Variants in SBF2 observed in about 807,000 individuals in gnomAD.
SBF2 encodes SET binding factor 2, also known as myotubularin-related protein 13.
A neutral mutation model predicts 225.2 loss-of-function variants in SBF2; 112 were observed. The observed-to-expected ratio is 0.50, with a 90% confidence interval of 0.43 to 0.58. The LOEUF is 0.58. SBF2 is among the 20% of genes least tolerant of loss of function. The pLI is 0.00. For synonymous variants in SBF2, 763 were observed against 773.3 expected (o/e 0.99, Z 0.22); for missense variants, 1,996 against 2,206.2 (o/e 0.90, Z 1.91).
chr11:9,793,600 G>A (rs1398865824), intron 33 of SBF2, among the ~76,000 whole-genome samples: 3 of 152,072 alleles, frequency 2.0e-5, no homozygotes, highest in Non-Finnish European at 4.4e-5. Flanking sequence ...GTGTTGGCCA[G>A]ACTGGTCTCG....
rs1264324119 is a variant in SBF2, at chr11:9,885,087, C to T, written c.1929+10856G>A. On this transcript the variant is annotated intron_variant, in intron 17 of 39. Coordinates refer to ENST00000256190, the MANE Select transcript of SBF2 (RefSeq NM_030962.4). ...CCAACATGGTAAAACCCTGTCTCTA[C>T]TAAAAATACAAAAATTAGCTGAGCG... Among the ~76,000 whole-genome samples the T allele has an allele frequency of 2.0e-5, 3 of 151,610 alleles. No individual in the cohort carries two copies. In the East Asian group the frequency reaches 5.8e-4, roughly 29 times the overall value.
chr11:10,039,094 T>C (rs1949554734), intron 3 of SBF2, among the ~76,000 whole-genome samples: 1 of 151,902 alleles, frequency 6.6e-6, no homozygotes, highest in African/African-American at 2.4e-5. Flanking sequence ...ATAACAGAGC[T>C]AACATTTTTA....
At chr11:10,217,165 AAGG>A (rs1042170503) in intron 1 of SBF2, among the ~76,000 whole-genome samples, 4 of 152,192 alleles carry the variant, frequency 2.6e-5, no homozygotes, top group Admixed American at 1.3e-4. Flanking sequence ...CAGGAGGTAG[AAGG>A]AGAAGATAAT....
intron 6 of SBF2, among the ~76,000 whole-genome samples, chr11:10,010,163 T>C (rs1379164834): frequency 6.6e-6 from 1 of 152,194 alleles, no homozygotes; most frequent in Non-Finnish European, 1.5e-5. Flanking sequence ...GATGGATAGA[T>C]TGGAAATATT....
chr11:10,047,842 A>G (rs181547904), intron 2 of SBF2, among the ~76,000 whole-genome samples: 19 of 152,304 alleles, frequency 1.2e-4, no homozygotes, highest in African/African-American at 4.1e-4. Flanking sequence ...CAATTTATTC[A>G]AAATATTATT....
At chr11:9,953,392 G>C (rs545765702) in intron 16 of SBF2, among the ~76,000 whole-genome samples, 11 of 151,992 alleles carry the variant, frequency 7.2e-5, no homozygotes, top group African/African-American at 2.7e-4. Flanking sequence ...GCAGTGAGCC[G>C]AGATCACGCC....
chr11:10,276,988 T>A (rs1164948435), intron 1 of SBF2, among the ~76,000 whole-genome samples: 1 of 152,054 alleles, frequency 6.6e-6, no homozygotes, highest in Non-Finnish European at 1.5e-5. Context: ...TATCAGCACT[T>A]TGGGAGGCCA....
At chr11:10,006,792 G>T (rs927665148) in intron 6 of SBF2, among the ~76,000 whole-genome samples, 2 of 152,036 alleles carry the variant, frequency 1.3e-5, no homozygotes, top group African/African-American at 4.8e-5. Flanking sequence ...AATCTTCAAG[G>T]TCATATTTGA....
chr11:9,800,099 G>T (rs868067081), intron 32 of SBF2, among the ~76,000 whole-genome samples: 1 of 152,044 alleles, frequency 6.6e-6, no homozygotes, highest in Non-Finnish European at 1.5e-5. Context: ...TTAGCTGGGC[G>T]TGGTTGTGCA....
chr11:9,914,241 A>G (rs1327901722), intron 16 of SBF2, among the ~76,000 whole-genome samples: 2 of 152,230 alleles, frequency 1.3e-5, no homozygotes, highest in Non-Finnish European at 1.5e-5. Flanking sequence ...TATAAGTAGA[A>G]AGATGGAAAT....
intron 17 of SBF2, among the ~76,000 whole-genome samples, chr11:9,885,480 T>C (rs1227461637): frequency 6.6e-6 from 1 of 152,126 alleles, no homozygotes; most frequent in Non-Finnish European, 1.5e-5. Flanking sequence ...TCTAGGTCTG[T>C]ATACTTCACG....
At chr11:9,816,731 A>T in intron 29 of SBF2, 109 bp downstream of exon 29, 1 of 1,006,626 alleles carries the variant, frequency 9.9e-7, no homozygotes, top group African/African-American at 1.6e-5. Flanking sequence ...ACTCCAGGTT[A>T]AGAATCATGC....
intron 1 of SBF2, among the ~76,000 whole-genome samples, chr11:10,265,026 G>A (rs1021224294): frequency 2.6e-5 from 4 of 152,136 alleles, no homozygotes; most frequent in Non-Finnish European, 2.9e-5. Flanking sequence ...ATTGTGAGTA[G>A]TGTCGCAGTA....
At chr11:9,952,322 T>C (rs2134328539) in intron 16 of SBF2, among the ~76,000 whole-genome samples, 1 of 152,282 alleles carries the variant, frequency 6.6e-6, no homozygotes, top group South Asian at 2.1e-4. Context: ...CAGCTGGCTG[T>C]TTACACCGAA....
chr11:10,062,391 G>A (rs1434223841), intron 2 of SBF2, among the ~76,000 whole-genome samples: 2 of 152,138 alleles, frequency 1.3e-5, no homozygotes, highest in Non-Finnish European at 2.9e-5. Context: ...ACTATCAACA[G>A]AGTAAAGAGA....
intron 16 of SBF2, among the ~76,000 whole-genome samples, chr11:9,902,060 C>A (rs1590381002): frequency 6.6e-6 from 1 of 152,162 alleles, no homozygotes; most frequent in Non-Finnish European, 1.5e-5. Context: ...TGTGAAATGG[C>A]CCTGCAAAGT....
chr11:9,922,330 G>A (rs932474250), intron 16 of SBF2, among the ~76,000 whole-genome samples: 1 of 152,126 alleles, frequency 6.6e-6, no homozygotes, highest in Non-Finnish European at 1.5e-5. Flanking sequence ...ACTGGAAGAT[G>A]AATAGTCTAT....
intron 2 of SBF2, among the ~76,000 whole-genome samples, chr11:10,061,637 A>G (rs1042224266): frequency 1.3e-5 from 2 of 152,148 alleles, no homozygotes; most frequent in African/African-American, 2.4e-5. Context: ...GTTAACCAGG[A>G]AGGTGAAAGA....
intron 2 of SBF2, among the ~76,000 whole-genome samples, chr11:10,072,658 T>TG (rs996115285): frequency 7.2e-5 from 11 of 151,876 alleles, no homozygotes; most frequent in Admixed American, 6.6e-4. Flanking sequence ...TGCTATCATT[T>TG]GGGGCTTTTC....
Sources: allele counts gnomAD v4.1 joint callset (sites outside exome capture counted in the v4.1 genomes callset), GRCh38; gene constraint gnomAD v4.1.1; transcripts MANE v1.5; gene names NCBI Gene and HGNC (gene_info 2026-07-23, HGNC 2026-07-21).